RBM6: variants seen among roughly 807,000 people sequenced by gnomAD.
RBM6 encodes the protein RNA binding motif protein 6.
In RBM6, 23 loss-of-function variants were observed where a neutral mutation model predicts 140.4. The observed-to-expected ratio is 0.16, with a 90% confidence interval of 0.12 to 0.23. The LOEUF (loss-of-function observed/expected upper bound fraction) is 0.23, where lower values mean the gene tolerates loss of function less well. RBM6 is among the 10% of genes least tolerant of loss of function. The pLI, the probability that RBM6 is intolerant of heterozygous loss-of-function variation, is 1.00. For synonymous variants in RBM6, 439 were observed against 475.6 expected, an observed-to-expected ratio of 0.92 and a Z score of 1.00; for missense variants, 1,139 against 1,386.7, an observed-to-expected ratio of 0.82 and a Z score of 2.84.
At chr3:50,011,619 C>A (rs761670853) in intron 6 of RBM6, among the ~76,000 whole-genome samples, 12 of 152,166 alleles carry the variant, frequency 7.9e-5, no homozygotes, top group Non-Finnish European at 1.6e-4. Flanking sequence ...TCTTAGAGGC[C>A]TCTTTCAAGC....
chr3:50,070,533 T>C lies in RBM6; in HGVS notation c.3097T>C (p.Tyr1033His). 6.2e-7 allele frequency: 1 copy of C among 1,613,458 alleles called. No homozygotes were observed. Among genetic ancestry groups the C allele is most frequent in the Non-Finnish European group, 8.5e-7 (1 of 1,179,494 alleles). The change falls in exon 19 of 21, where the codon TAC (tyrosine) becomes CAC (histidine). Residue 1033 changes from tyrosine to histidine, a missense_variant. Tyr to His is a moderately conservative substitution (Grantham distance 83, BLOSUM62 2). Around this residue, in one of 9 missense-constraint regions of RBM6, gnomAD observed 125 missense variants for 142.0 expected, o/e 0.88. Coordinates refer to ENST00000266022, the MANE Select transcript of RBM6 (RefSeq NM_005777.3). ...CTCTCCAGAAAGGAAACGGATTAAG[T>C]ACTCCAGGGAAACTGACAGGTAAGC... is the stretch of plus-strand genomic sequence containing the variant. ...FDSPERKRIKYSRETDSDRKL... is the reference protein window; with the variant it reads ...FDSPERKRIKHSRETDSDRKL...
intron 1 of RBM6, among the ~76,000 whole-genome samples, chr3:49,944,963 G>A (rs1333916221): frequency 6.7e-6 from 1 of 148,382 alleles, no homozygotes. Context: ...TCCAAGCTCC[G>A]CCTCCTGGGT....
chr3:49,955,119 CTTTA>C (rs907489935), intron 1 of RBM6, among the ~76,000 whole-genome samples: 23 of 132,456 alleles, frequency 1.7e-4, no homozygotes, highest in African/African-American at 6.5e-4. Context: ...AACATAGCTA[CTTTA>C]TTTATTCTTA....
intron 1 of RBM6, chr3:49,940,537 A>C (rs143845105): frequency 6.4e-6 from 1 of 155,046 alleles, no homozygotes; most frequent in African/African-American, 2.4e-5. Flanking sequence ...CTGTGCTCCT[A>C]CTCTTCGGAG....
chr3:49,972,891 C>T (rs1175371082), intron 4 of RBM6, among the ~76,000 whole-genome samples: 2 of 150,084 alleles, frequency 1.3e-5, no homozygotes, highest in South Asian at 2.1e-4. Context: ...GAGTGTGTGG[C>T]GCGACCTTGG....
intron 6 of RBM6, among the ~76,000 whole-genome samples, chr3:50,042,486 A>G (rs1282656859): frequency 6.6e-6 from 1 of 152,116 alleles, no homozygotes; most frequent in East Asian, 1.9e-4. Flanking sequence ...TAATCTCAAC[A>G]CTTTGGGAAG....
Position 50,057,779 on chromosome 3 carries a change from C to A in RBM6, c.1745C>A (p.Ser582Tyr). The A allele has an allele frequency of 2.5e-6, 4 of 1,613,308 alleles. No homozygotes were observed. Among genetic ancestry groups the A allele is most frequent in the Non-Finnish European group, 3.4e-6 (4 of 1,179,850 alleles). The change falls in exon 9 of 21, where the codon TCC (serine) becomes TAC (tyrosine). Residue 582 changes from serine to tyrosine, a missense_variant. This residue lies in a region of RBM6 where 109 missense variants were observed against 101.9 expected (regional missense o/e 1.07). Coordinates refer to ENST00000266022, the MANE Select transcript of RBM6 (RefSeq NM_005777.3). The stretch of plus-strand genomic sequence containing the variant: ...ACCTACCCTCAGCCTCAGAAAACAT[C>A]CATACCAGCACCATTGGAAAAACAG... Reference protein sequence around the residue: ...LITYPQPQKTSIPAPLEKQPN... With the variant: ...LITYPQPQKTYIPAPLEKQPN...
Position 50,058,579 on chromosome 3 carries a change from T to G in RBM6, c.2130+17T>G. On this transcript the variant is annotated intron_variant, in intron 10 of 20. Transcript: ENST00000266022. ...TCCCATGCGGTGAGTTTCCTCCACC[T>G]TGGATTGGCCTAGAGACAGATGGCT... 1 of 1,588,578 alleles carries G rather than the reference T, an allele frequency of 6.3e-7. No homozygotes were observed. Among genetic ancestry groups the G allele is most frequent in the Non-Finnish European group, 8.6e-7 (1 of 1,157,826 alleles).
In RBM6 at chr3:50,059,617, G is replaced by A. The variant is rs763543881; in HGVS notation, c.2131-32G>A. ...CTGTCTTTGGGTTCTGGCATTTTCT[G>A]TCTCTGGGTTCAAGTGTGTCTGGTT... On this transcript the variant is annotated intron_variant, in intron 10 of 20. Coordinates refer to ENST00000266022, the MANE Select transcript of RBM6 (RefSeq NM_005777.3). 98 of 1,565,382 alleles carry A rather than the reference G, an allele frequency of 6.3e-5. No individual in the cohort carries two copies. The South Asian group carries it at 1.0e-3, about 16-fold the overall frequency.
chr3:49,956,328 CTTTTTTTTTTTTT>C (rs34467093), intron 1 of RBM6, among the ~76,000 whole-genome samples: 1 of 72,006 alleles, frequency 1.4e-5, no homozygotes, highest in Non-Finnish European at 2.5e-5. Context: ...CCCTCCCCCG[CTTTTTTTTTTTTT>C]TTTTTTTTTT....
intron 5 of RBM6, 92 bp downstream of exon 5, chr3:49,975,484 C>T (rs2085025507): frequency 8.8e-7 from 1 of 1,135,590 alleles, no homozygotes; most frequent in Non-Finnish European, 1.3e-6. Flanking sequence ...TTTCAAGAAA[C>T]CACAATTAAA....
At chr3:50,041,517 AGCCT>A (rs2088918520) in intron 6 of RBM6, among the ~76,000 whole-genome samples, 1 of 152,236 alleles carries the variant, frequency 6.6e-6, no homozygotes, top group Non-Finnish European at 1.5e-5. Flanking sequence ...ATAAAGAATG[AGCCT>A]GACTGCTTTA....
intron 3 of RBM6, among the ~76,000 whole-genome samples, chr3:49,969,616 G>A (rs555392000): frequency 2.0e-5 from 3 of 150,558 alleles, no homozygotes; most frequent in Non-Finnish European, 4.4e-5. Context: ...ATATATATTT[G>A]AGACACGGTC....
chr3:50,017,599 G>A (rs2087241112), intron 6 of RBM6, among the ~76,000 whole-genome samples: 1 of 151,760 alleles, frequency 6.6e-6, no homozygotes, highest in Non-Finnish European at 1.5e-5. Context: ...GTCTATTCAG[G>A]TCCTTTGCCC....
chr3:50,071,297 C>G (rs1043907959), intron 19 of RBM6, among the ~76,000 whole-genome samples: 9 of 152,240 alleles, frequency 5.9e-5, no homozygotes, highest in Non-Finnish European at 8.8e-5. Context: ...AAGATGCAGG[C>G]CAGTTCATGA....
chr3:49,975,271 T>G (rs979754355), intron 4 of RBM6, 52 bp from the exon 5 acceptor site: 1 of 1,389,778 alleles, frequency 7.2e-7, no homozygotes, highest in East Asian at 2.3e-5. Context: ...AATCTGATAT[T>G]CAGTGTTTGA....
At chr3:49,977,404 C>G (rs1361854102) in intron 5 of RBM6, among the ~76,000 whole-genome samples, 1 of 152,168 alleles carries the variant, frequency 6.6e-6, no homozygotes, top group Non-Finnish European at 1.5e-5. Context: ...CCATCATATC[C>G]TTGTTTGGAT....
At chr3:50,067,885 C>T (rs1449716811) in intron 17 of RBM6, among the ~76,000 whole-genome samples, 2 of 152,214 alleles carry the variant, frequency 1.3e-5, no homozygotes, top group Non-Finnish European at 2.9e-5. Context: ...AGGTACACTA[C>T]TTTTCCCAGC....
At chr3:50,067,285 A>C (rs908054032) in intron 17 of RBM6, among the ~76,000 whole-genome samples, 1 of 152,032 alleles carries the variant, frequency 6.6e-6, no homozygotes, top group African/African-American at 2.4e-5. Context: ...AGTCCAATTC[A>C]AGAATGAATT....
Sources: allele counts gnomAD v4.1 joint callset (sites outside exome capture counted in the v4.1 genomes callset), GRCh38; gene constraint gnomAD v4.1.1; regional missense constraint gnomAD v4.1.1; transcripts MANE v1.5; gene names NCBI Gene and HGNC (gene_info 2026-07-23, HGNC 2026-07-21).